MYH15: variants seen among roughly 807,000 people sequenced by gnomAD.
MYH15 encodes myosin-15.
In MYH15, 227 loss-of-function variants were observed where a neutral mutation model predicts 240.5. That is an observed-to-expected ratio of 0.94 (90% CI 0.85 to 1.05). The LOEUF (loss-of-function observed/expected upper bound fraction) is 1.05, where lower values mean the gene tolerates loss of function less well. Ranked by LOEUF, MYH15 falls within the 50% of genes least tolerant of loss-of-function variation. The probability of loss-of-function intolerance (pLI) is 0.00; values close to 1 mark genes in which losing one functional copy is unlikely to be tolerated. For synonymous variants in MYH15, 785 were observed against 796.7 expected, an observed-to-expected ratio of 0.99 and a Z score of 0.25; for missense variants, 2,217 against 2,247.5, an observed-to-expected ratio of 0.99 and a Z score of 0.27.
intron 9 of MYH15, among the ~76,000 whole-genome samples, chr3:108,487,471 T>C (rs1290162759): frequency 6.6e-6 from 1 of 152,236 alleles, no homozygotes; most frequent in Non-Finnish European, 1.5e-5. Flanking sequence ...AAATACGTGC[T>C]AGAACATGGA....
chr3:108,424,027 G>A (rs949191744), intron 27 of MYH15, among the ~76,000 whole-genome samples: 1 of 152,226 alleles, frequency 6.6e-6, no homozygotes, highest in South Asian at 2.1e-4. Flanking sequence ...ACATATCCAG[G>A]TGTGAAAAAT....
intron 12 of MYH15, among the ~76,000 whole-genome samples, chr3:108,472,227 C>T (rs2083184101): frequency 6.6e-6 from 1 of 152,338 alleles, no homozygotes; most frequent in African/African-American, 2.4e-5. Context: ...ACTTCCATAA[C>T]TCCAATAGCG....
intron 36 of MYH15, 50 bp from the exon 37 acceptor site, chr3:108,391,980 T>G (rs765802369): frequency 8.3e-5 from 131 of 1,584,966 alleles, no homozygotes; most frequent in Non-Finnish European, 1.1e-4. Flanking sequence ...CAATTGATCT[T>G]AACATTTTTA....
chr3:108,417,928 T>C (rs2082648221), intron 28 of MYH15, among the ~76,000 whole-genome samples: 1 of 152,154 alleles, frequency 6.6e-6, no homozygotes, highest in African/African-American at 2.4e-5. Context: ...TCATATTTGT[T>C]AACATCACTG....
intron 31 of MYH15, among the ~76,000 whole-genome samples, chr3:108,408,743 C>T (rs2082565213): frequency 6.6e-6 from 1 of 152,180 alleles, no homozygotes; most frequent in South Asian, 2.1e-4. Flanking sequence ...CCTGGAGTCC[C>T]TACCCTTCCA....
At chr3:108,509,978 T>C (rs954137161) in intron 1 of MYH15, among the ~76,000 whole-genome samples, 1 of 152,184 alleles carries the variant, frequency 6.6e-6, no homozygotes, top group African/African-American at 2.4e-5. Context: ...CAAAAAATTC[T>C]GGAGAGCCAG....
intron 29 of MYH15, 31 bp from the exon 30 acceptor site, chr3:108,414,459 A>T (rs1160045152): frequency 1.3e-6 from 2 of 1,576,590 alleles, no homozygotes; most frequent in Admixed American, 1.8e-5. Flanking sequence ...CAAAAAGGTC[A>T]TGACCACCAT....
chr3:108,548,557 A>T, the MYH15 span, among the ~76,000 whole-genome samples: 1 of 152,126 alleles, frequency 6.6e-6, no homozygotes, highest in Non-Finnish European at 1.5e-5. Flanking sequence ...TGTTCCAGAA[A>T]GCCTAAAATA....
At chr3:108,413,224 C>G (rs1576217816) in intron 30 of MYH15, among the ~76,000 whole-genome samples, 1 of 152,194 alleles carries the variant, frequency 6.6e-6, no homozygotes, top group Admixed American at 6.5e-5. Flanking sequence ...AAAGCCAAAA[C>G]TTTCTGTGGT....
chr3:108,492,509 CT>C lies in MYH15; in HGVS notation c.861del (p.Glu288SerfsTer67). 6.2e-7 allele frequency: 1 copy of C among 1,610,858 alleles called. No individual in the cohort carries two copies. The highest frequency in any genetic ancestry group is 8.5e-7 in the Non-Finnish European group (1 of 1,177,384). Reference protein sequence around the residue: ...HIFYQILSGQKELHDLLLVSA... With the variant: ...HIFYQILSGQXELHDLLLVSA... ...AGAATCCTACACTTACCATGAAGCT[CT>C]TTTTGTCCAGATAGAATTTGATAGA... On this transcript the variant is annotated frameshift_variant, in exon 9 of 41. Transcript: ENST00000693548. LOFTEE classifies it high-confidence loss of function.
intron 9 of MYH15, among the ~76,000 whole-genome samples, chr3:108,491,969 G>A (rs1030248661): frequency 4.6e-5 from 7 of 152,008 alleles, no homozygotes; most frequent in South Asian, 4.2e-4. Context: ...AGCCAGACAC[G>A]GTGGTTCACA....
At chr3:108,498,631 A>T (rs1021506715) in intron 5 of MYH15, among the ~76,000 whole-genome samples, 3 of 152,158 alleles carry the variant, frequency 2.0e-5, no homozygotes, top group South Asian at 4.1e-4. Context: ...CACAGTGGCA[A>T]ATTTATAGCC....
At position 108,411,043 on chromosome 3, in the gene MYH15, T is replaced by C. The variant is rs1466168698; in HGVS notation, c.4146-111A>G. 4.7e-6 allele frequency: 4 copies of C among 842,710 alleles called. No individual in the cohort carries two copies. The South Asian group carries it at 5.5e-5, about 12-fold the overall frequency. 52.2% of individuals were successfully genotyped at this position (842,710 alleles called of 1,614,324 possible). The stretch of plus-strand genomic sequence containing the variant: ...TGGGTGCAAAGTAAGATGGCGCCTC[T>C]GCAGTGGACTTAGTGGTATAAAGCA... On this transcript the variant is annotated intron_variant, in intron 30 of 40. Transcript: ENST00000693548.
chr3:108,405,848 A>AGTGATG (rs1460559070), intron 32 of MYH15, among the ~76,000 whole-genome samples: 1 of 152,220 alleles, frequency 6.6e-6, no homozygotes, highest in African/African-American at 2.4e-5. Context: ...CCTACCTGGA[A>AGTGATG]TCTTCTATTA....
chr3:108,428,801 G>A lies in MYH15; in HGVS notation c.3393C>T (p.Leu1131=). 1.2e-6 allele frequency: 2 copies of A among 1,614,012 alleles called. No homozygotes were observed. Among genetic ancestry groups the A allele is most frequent in the African/African-American group, 1.3e-5 (1 of 74,978 alleles). Reference sequence around the variant, plus strand: ...CATTCAAGTCAGCCAGGTCTTGGGTGAGGTCAGCTCTCTCCCTTTCCATCT... The same window carrying A: ...CATTCAAGTCAGCCAGGTCTTGGGTAAGGTCAGCTCTCTCCCTTTCCATCT... ...RAKMERERAD[L]TQDLADLNER... Residue 1131 remains leucine, a synonymous_variant, in exon 27 of 41, where the codon CTC becomes CTT. Coordinates refer to ENST00000693548, the MANE Select transcript of MYH15 (RefSeq NM_014981.3).
At chr3:108,516,361 G>T (rs766962431) in intron 1 of MYH15, among the ~76,000 whole-genome samples, 37 of 152,078 alleles carry the variant, frequency 2.4e-4, no homozygotes, top group Non-Finnish European at 4.4e-4. Flanking sequence ...ATTAAAATTG[G>T]AGACAATGCC....
At position 108,505,823 on chromosome 3, in the gene MYH15, T is replaced by C. The variant is rs767676639; in HGVS notation, c.95A>G (p.Lys32Arg). The C allele has an allele frequency of 1.2e-6, 2 of 1,606,256 alleles. No individual in the cohort carries two copies. The highest frequency in any genetic ancestry group is 1.7e-6 in the Non-Finnish European group (2 of 1,176,920). The change falls in exon 2 of 41, where the codon AAG becomes AGG. Residue 32 changes from lysine to arginine, a missense_variant. By Grantham distance (26) the Lys-to-Arg change is conservative. Coordinates refer to ENST00000693548, the MANE Select transcript of MYH15 (RefSeq NM_014981.3). ...LLQATALDGKKKCWIPDGENA... is the reference protein window; with the variant it reads ...LLQATALDGKRKCWIPDGENA... ...CTCACCATCAGGAATCCAGCATTTC[T>C]TCTTCCCTGTAGAGCAAAAAAAAAA...
At chr3:108,497,943 G>T in intron 6 of MYH15, 109 bp downstream of exon 6, 2 of 848,650 alleles carry the variant, frequency 2.4e-6, no homozygotes, top group Non-Finnish European at 2.0e-6. Context: ...TTTGCAAATT[G>T]TCCTGTGGTG....
intron 35 of MYH15, among the ~76,000 whole-genome samples, chr3:108,396,218 G>A (rs562666918): frequency 6.6e-6 from 1 of 152,230 alleles, no homozygotes; most frequent in South Asian, 2.1e-4. Context: ...TCCCACTGGT[G>A]CATTATCATG....
Sources: allele counts gnomAD v4.1 joint callset (sites outside exome capture counted in the v4.1 genomes callset), GRCh38; gene constraint gnomAD v4.1.1; transcripts MANE v1.5; gene names NCBI Gene and HGNC (gene_info 2026-07-23, HGNC 2026-07-21).